PKP4: variants seen among roughly 807,000 people sequenced by gnomAD.
PKP4 encodes the protein plakophilin-4.
A neutral mutation model predicts 145.1 loss-of-function variants in PKP4; 90 were observed. The ratio of observed to expected loss-of-function variants is 0.62; its 90% CI spans 0.52 to 0.74. PKP4 has a LOEUF of 0.74. Ranked by LOEUF, PKP4 falls within the 30% of genes least tolerant of loss-of-function variation. The probability of loss-of-function intolerance (pLI) is 0.00; values close to 1 mark genes in which losing one functional copy is unlikely to be tolerated. For synonymous variants in PKP4, 563 were observed against 577.2 expected, an observed-to-expected ratio of 0.98 and a Z score of 0.35; for missense variants, 1,340 against 1,482.7, an observed-to-expected ratio of 0.90 and a Z score of 1.58.
intron 1 of PKP4, among the ~76,000 whole-genome samples, chr2:158,532,659 G>A (rs533632546): frequency 2.0e-5 from 3 of 152,076 alleles, no homozygotes; most frequent in African/African-American, 7.2e-5. Flanking sequence ...TAAGCTATGG[G>A]CCTAAAAAAT....
chr2:158,552,369 G>A (rs1031883942), intron 2 of PKP4, among the ~76,000 whole-genome samples: 3 of 152,134 alleles, frequency 2.0e-5, no homozygotes, highest in Non-Finnish European at 4.4e-5. Flanking sequence ...GTGGTGATTC[G>A]TTATAGCAGC....
At chr2:158,512,468 A>G (rs955933041) in intron 1 of PKP4, among the ~76,000 whole-genome samples, 2 of 152,230 alleles carry the variant, frequency 1.3e-5, no homozygotes, top group Admixed American at 1.3e-4. Flanking sequence ...CAACATTCTC[A>G]GCCAGCTCTG....
chr2:158,554,469 A>C (rs1481672256), intron 2 of PKP4, among the ~76,000 whole-genome samples: 1 of 148,560 alleles, frequency 6.7e-6, no homozygotes, highest in Non-Finnish European at 1.5e-5. Flanking sequence ...TCTGTTGCCC[A>C]GGCTGGAGTG....
intron 1 of PKP4, among the ~76,000 whole-genome samples, chr2:158,498,978 G>GC (rs370151463): frequency 1.5e-3 from 225 of 152,314 alleles, no homozygotes; most frequent in African/African-American, 5.1e-3. Flanking sequence ...TAAGGATTAA[G>GC]CCCACGGGGC....
chr2:158,616,008 T>C (rs992313173), intron 4 of PKP4, among the ~76,000 whole-genome samples: 1 of 152,212 alleles, frequency 6.6e-6, no homozygotes, highest in Non-Finnish European at 1.5e-5. Context: ...TCCTTATGTC[T>C]TCACTTCCAT....
At chr2:158,593,718 T>G (rs142241659) in intron 3 of PKP4, among the ~76,000 whole-genome samples, 5 of 152,220 alleles carry the variant, frequency 3.3e-5, no homozygotes, top group Non-Finnish European at 5.9e-5. Flanking sequence ...ATATTGTTTA[T>G]TTAAATCTTA....
chr2:158,568,704 C>A (rs139260081), intron 2 of PKP4, among the ~76,000 whole-genome samples: 1 of 151,852 alleles, frequency 6.6e-6, no homozygotes, highest in Non-Finnish European at 1.5e-5. Flanking sequence ...AAGAAGCCAT[C>A]GGTTCACACC....
chr2:158,477,866 A>C (rs1476049231), intron 1 of PKP4, among the ~76,000 whole-genome samples: 5 of 152,208 alleles, frequency 3.3e-5, no homozygotes, highest in Non-Finnish European at 5.9e-5. Context: ...CTCAAAAAAA[A>C]CCAAAAGTCC....
chr2:158,609,361 T>C (rs1432479271), intron 4 of PKP4, among the ~76,000 whole-genome samples: 2 of 152,202 alleles, frequency 1.3e-5, no homozygotes, highest in East Asian at 3.8e-4. Context: ...AGACCATCAG[T>C]CCACTTAGTC....
Position 158,603,072 on chromosome 2 carries a change from CAACT to C in PKP4, c.249_252del (p.Thr84ArgfsTer16). 1 of 1,488,468 alleles carries C rather than the reference CAACT, an allele frequency of 6.7e-7. No individual in the cohort carries two copies. The highest frequency in any genetic ancestry group is 9.1e-7 in the Non-Finnish European group (1 of 1,101,334). 92.2% of individuals were successfully genotyped at this position (1,488,468 alleles called of 1,614,324 possible). A position where few individuals can be genotyped will look rare whatever the true frequency, so the allele number is the denominator to read the frequency against. The stretch of plus-strand genomic sequence containing the variant: ...TTTTTTTCTTTCTTTTTCTTTAGCT[CAACT>C]GAGAAGTCATTTCCTTGGAGATCAA... On this transcript the variant is annotated frameshift_variant, in exon 4 of 22. Transcript: ENST00000389759. LOFTEE classifies it high-confidence loss of function.
At chr2:158,529,239 C>T (rs2043289433) in intron 1 of PKP4, among the ~76,000 whole-genome samples, 1 of 152,206 alleles carries the variant, frequency 6.6e-6, no homozygotes, top group Admixed American at 6.5e-5. Context: ...GGTTAATACA[C>T]ATTTGTTACA....
chr2:158,606,346 A>G (rs2050656159), intron 4 of PKP4, among the ~76,000 whole-genome samples: 1 of 152,136 alleles, frequency 6.6e-6, no homozygotes, highest in African/African-American at 2.4e-5. Flanking sequence ...CTCAAAAAAA[A>G]AAATAATAAT....
At position 158,625,307 on chromosome 2, in the gene PKP4, G is replaced by A. The variant is rs1030891444; in HGVS notation, c.1033G>A (p.Ala345Thr). Residue 345 changes from alanine (A) to threonine (T), a missense_variant, in exon 7 of 22, where the codon GCC (alanine) becomes ACC (threonine). Coordinates refer to ENST00000389759, the MANE Select transcript of PKP4 (RefSeq NM_003628.6). ...SSSPKRSGMT[A>T]VPQHLGPSLQ... The stretch of plus-strand genomic sequence containing the variant: ...GTCCCCCAAACGCTCAGGGATGACC[G>A]CCGTACCACAGCATCTGGGACCTTC... 17 of 1,614,158 alleles carry A rather than the reference G, an allele frequency of 1.1e-5. No individual in the cohort carries two copies. In the East Asian group the frequency reaches 3.1e-4, roughly 30 times the overall value.
chr2:158,560,670 T>G (rs1158428790), intron 2 of PKP4, among the ~76,000 whole-genome samples: 2 of 152,140 alleles, frequency 1.3e-5, no homozygotes, highest in Non-Finnish European at 2.9e-5. Flanking sequence ...CGTGGTATAT[T>G]AAAAAAATAA....
At chr2:158,652,486 G>A (rs1221732595) in intron 11 of PKP4, among the ~76,000 whole-genome samples, 2 of 152,160 alleles carry the variant, frequency 1.3e-5, no homozygotes, top group African/African-American at 4.8e-5. Context: ...GAACTTCAAG[G>A]GCAGCTGCAT....
chr2:158,674,586 A>G (rs1201312401), intron 19 of PKP4, among the ~76,000 whole-genome samples: 2 of 152,110 alleles, frequency 1.3e-5, no homozygotes, highest in African/African-American at 2.4e-5. Flanking sequence ...GTCTGTAGGA[A>G]TTCCTTTTGA....
At chr2:158,628,993 A>G (rs540135918) in intron 7 of PKP4, among the ~76,000 whole-genome samples, 5 of 152,160 alleles carry the variant, frequency 3.3e-5, no homozygotes, top group East Asian at 1.9e-4. Flanking sequence ...GACTAGGTAC[A>G]TTCACCTGTC....
chr2:158,548,268 C>G (rs3771600), intron 2 of PKP4, among the ~76,000 whole-genome samples: 31,100 of 152,106 alleles, frequency 0.2, 3,855 homozygotes, highest in Middle Eastern at 0.35. Context: ...CAGTTATACT[C>G]ATATTTATGA....
intron 1 of PKP4, among the ~76,000 whole-genome samples, chr2:158,508,366 CAA>C (rs747754927): frequency 8.6e-6 from 1 of 115,888 alleles, no homozygotes; most frequent in African/African-American, 3.1e-5. Context: ...AACTCCGTCT[CAA>C]AAAAAAAAAA....
Sources: gnomAD v4.1 joint callset for allele counts (sites outside exome capture counted in the v4.1 genomes callset) on GRCh38, gnomAD v4.1.1 for gene constraint, MANE v1.5 for transcripts, NCBI Gene and HGNC (gene_info 2026-07-23, HGNC 2026-07-21) for gene names.